FBXW7: variants seen among roughly 807,000 people sequenced by gnomAD.
FBXW7 encodes F-box/WD repeat-containing protein 7.
Under a neutral mutation model 86.3 loss-of-function variants are expected in FBXW7, and 11 were observed. The ratio of observed to expected loss-of-function variants is 0.13; its 90% CI spans 0.08 to 0.21. The LOEUF is 0.21. FBXW7 is among the 10% of genes least tolerant of loss of function. The pLI, the probability that FBXW7 is intolerant of heterozygous loss-of-function variation, is 1.00. For synonymous variants in FBXW7, 313 were observed against 297.9 expected (o/e 1.05, Z -0.52); for missense variants, 488 against 847.4 (o/e 0.58, Z 5.27).
At chr4:152,464,223 T>C (rs1533467) in intron 2 of FBXW7, among the ~76,000 whole-genome samples, 72 of 152,132 alleles carry the variant, frequency 4.7e-4, no homozygotes, top group Non-Finnish European at 8.4e-4. Context: ...ACACCTAGAA[T>C]GGACTATAAC....
intron 4 of FBXW7, among the ~76,000 whole-genome samples, chr4:152,374,776 G>A (rs1402193186): frequency 6.6e-6 from 1 of 151,950 alleles, no homozygotes; most frequent in African/African-American, 2.4e-5. Flanking sequence ...TGAAACCAGT[G>A]CCAGAAGGGA....
At chr4:152,418,556 G>T (rs1349780762) in intron 2 of FBXW7, among the ~76,000 whole-genome samples, 1 of 152,142 alleles carries the variant, frequency 6.6e-6, no homozygotes. Flanking sequence ...TGTAGAACTG[G>T]AAAAGGGATC....
chr4:152,475,041 G>A (rs1744272586), intron 2 of FBXW7, among the ~76,000 whole-genome samples: 1 of 151,916 alleles, frequency 6.6e-6, no homozygotes, highest in Non-Finnish European at 1.5e-5. Context: ...AGCAGAGGTT[G>A]AGTGAGCAGA....
chr4:152,456,572 C>T lies in FBXW7; in HGVS notation c.-119-44043G>A, dbSNP rs148709775. ...ATCAATAAATCAATAAGCAAAGATT[C>T]GAGAAAATACTTCAACAGAAAAAGA... On this transcript the variant is annotated intron_variant, in intron 2 of 13. Transcript: ENST00000281708. Among the ~76,000 whole-genome samples the T allele has an allele frequency of 5.5e-3, 830 of 151,804 alleles. 7 individuals carry two copies. The highest frequency in any genetic ancestry group is 0.019 in the African/African-American group (775 of 41,392).
intron 4 of FBXW7, among the ~76,000 whole-genome samples, chr4:152,400,646 C>T (rs561089799): frequency 3.6e-4 from 55 of 152,064 alleles, no homozygotes; most frequent in African/African-American, 1.2e-3. Flanking sequence ...GGCACCCAGC[C>T]GGAAATGACA....
chr4:152,495,402 C>T (rs990411272), intron 2 of FBXW7, among the ~76,000 whole-genome samples: 1 of 152,052 alleles, frequency 6.6e-6, no homozygotes, highest in Non-Finnish European at 1.5e-5. Context: ...GATCACCCCA[C>T]TCCACTTCAG....
chr4:152,534,611 A>G (rs1171308463), intron 2 of FBXW7, among the ~76,000 whole-genome samples: 1 of 152,142 alleles, frequency 6.6e-6, no homozygotes, highest in Non-Finnish European at 1.5e-5. Context: ...AGTACCAGGA[A>G]AAGGTTACAG....
At chr4:152,511,281 C>G (rs1355501068) in intron 2 of FBXW7, among the ~76,000 whole-genome samples, 1 of 151,028 alleles carries the variant, frequency 6.6e-6, no homozygotes, top group East Asian at 2.0e-4. Flanking sequence ...AGCATCCTGA[C>G]ACAGCCCCCC....
chr4:152,370,006 A>C (rs1477313028), intron 4 of FBXW7, among the ~76,000 whole-genome samples: 3 of 152,006 alleles, frequency 2.0e-5, no homozygotes, highest in African/African-American at 7.2e-5. Flanking sequence ...GAGAAGAACA[A>C]ACTTCTAACA....
chr4:152,339,114 C>T (rs1730457610), intron 6 of FBXW7, among the ~76,000 whole-genome samples: 1 of 152,164 alleles, frequency 6.6e-6, no homozygotes, highest in Admixed American at 6.6e-5. Context: ...ATTAAATTGG[C>T]AATACCATAA....
rs1333008000 is a variant in FBXW7, at chr4:152,321,402, T to C, written c.*1479A>G. The C allele has an allele frequency of 4.3e-6, 1 of 232,864 alleles. No homozygotes were observed. The highest frequency in any genetic ancestry group is 8.5e-6 in the Non-Finnish European group (1 of 117,628). The allele number at this position is 232,864 out of a possible 1,614,324, so 14.4% of individuals were successfully genotyped here. A position where few individuals can be genotyped will look rare whatever the true frequency, so the allele number is the denominator to read the frequency against. On this transcript the variant is annotated 3_prime_UTR_variant, in exon 14 of 14. Coordinates refer to ENST00000281708, the MANE Select transcript of FBXW7 (RefSeq NM_001349798.2). ...CATAACTAAAATTAACCAACTTGAA[T>C]CTGATTGTTTTAAATCAGACTATAA...
chr4:152,458,152 T>C (rs937861096), intron 2 of FBXW7, among the ~76,000 whole-genome samples: 1 of 152,112 alleles, frequency 6.6e-6, no homozygotes, highest in African/African-American at 2.4e-5. Flanking sequence ...CCCAAGTAGC[T>C]GGGATTACAG....
chr4:152,398,757 C>T (rs957326296), intron 4 of FBXW7, among the ~76,000 whole-genome samples: 2 of 151,826 alleles, frequency 1.3e-5, no homozygotes, highest in Non-Finnish European at 2.9e-5. Flanking sequence ...TAATTAAATA[C>T]ACAAAATTAT....
chr4:152,458,850 A>G (rs1742677124), intron 2 of FBXW7, among the ~76,000 whole-genome samples: 1 of 152,226 alleles, frequency 6.6e-6, no homozygotes, highest in Non-Finnish European at 1.5e-5. Context: ...AAACCCAGCT[A>G]TGTTCAGCTT....
rs544282632 is a variant in FBXW7, at chr4:152,480,138, T to C, written c.-120+54803A>G. Among the ~76,000 whole-genome samples, 23 of 152,340 alleles carry C rather than the reference T, an allele frequency of 1.5e-4. No homozygotes were observed. In the South Asian group the frequency reaches 4.3e-3, roughly 29 times the overall value. ...AAATAATGGTTTGTGCAACCCTGCA[T>C]TGGGCAAGTCTATTTGGTGCAATTT... is the stretch of plus-strand genomic sequence containing the variant. On this transcript the variant is annotated intron_variant, in intron 2 of 13. Coordinates refer to ENST00000281708, the MANE Select transcript of FBXW7 (RefSeq NM_001349798.2).
intron 2 of FBXW7, among the ~76,000 whole-genome samples, chr4:152,466,282 G>T (rs982656932): frequency 6.6e-6 from 1 of 152,122 alleles, no homozygotes. Context: ...CTGGCTGGGC[G>T]CAGTGGCTCA....
chr4:152,352,957 A>G (rs1731997267), intron 4 of FBXW7: 3 of 1,393,032 alleles, frequency 2.2e-6, no homozygotes, highest in Non-Finnish European at 2.8e-6. Flanking sequence ...GGAACCCGTA[A>G]GAACACAACG....
At position 152,322,496 on chromosome 4, in the gene FBXW7, T is replaced by C. The variant is rs551042908; in HGVS notation, c.*385A>G. The C allele has an allele frequency of 7.9e-6, 2 of 254,116 alleles. No individual in the cohort carries two copies. Among genetic ancestry groups the C allele is most frequent in the African/African-American group, 4.4e-5 (2 of 45,842 alleles). 15.7% of individuals were successfully genotyped at this position (254,116 alleles called of 1,614,324 possible). A position where few individuals can be genotyped will look rare whatever the true frequency, so the allele number is the denominator to read the frequency against. ...TGCAGTTCCTTTCTAGGTGTCTAGCTGTCAGTGGTAAAAGAACAGGCTAGC... is the reference window on the plus strand; with the variant it reads ...TGCAGTTCCTTTCTAGGTGTCTAGCCGTCAGTGGTAAAAGAACAGGCTAGC... On this transcript the variant is annotated 3_prime_UTR_variant, in exon 14 of 14. Transcript: ENST00000281708.
At chr4:152,472,649 T>C (rs532853626) in intron 2 of FBXW7, among the ~76,000 whole-genome samples, 2 of 152,248 alleles carry the variant, frequency 1.3e-5, no homozygotes, top group African/African-American at 4.8e-5. Context: ...TAAAGGAATA[T>C]GACAGATACA....
Sources: gnomAD v4.1 joint callset for allele counts (sites outside exome capture counted in the v4.1 genomes callset) on GRCh38, gnomAD v4.1.1 for gene constraint, MANE v1.5 for transcripts, NCBI Gene and HGNC (gene_info 2026-07-23, HGNC 2026-07-21) for gene names.